MEGF8: variants seen among roughly 807,000 people sequenced by gnomAD.
MEGF8 encodes the protein multiple EGF like domains 8, also known as multiple epidermal growth factor-like domains protein 8.
A neutral mutation model predicts 302.9 loss-of-function variants in MEGF8; 156 were observed. The observed-to-expected ratio is 0.52, with a 90% CI of 0.45 to 0.59. MEGF8 has a LOEUF of 0.59. MEGF8 is among the 20% of genes least tolerant of loss of function. The pLI, the probability that MEGF8 is intolerant of heterozygous loss-of-function variation, is 0.00. For synonymous variants in MEGF8, 1,621 were observed against 1,660.5 expected, an observed-to-expected ratio of 0.98 and a Z score of 0.58; for missense variants, 3,345 against 3,964.5, an observed-to-expected ratio of 0.84 and a Z score of 4.20.
At position 42,344,308 on chromosome 19, in the gene MEGF8, A is replaced by G; in HGVS notation, c.1789-133A>G. The stretch of plus-strand genomic sequence containing the variant: ...GCATCCCCCGTCCTCTGGATCTCCC[A>G]CATTCCAAGTCAACTCCCCGTTCTT... On this transcript the variant is annotated intron_variant, in intron 10 of 41. Transcript: ENST00000251268. The surrounding 1 kb of genome is among the most constrained non-coding windows in gnomAD (Gnocchi z 4.5). 3 of 1,071,854 alleles carry G rather than the reference A, an allele frequency of 2.8e-6. No individual in the cohort carries two copies. The highest frequency in any genetic ancestry group is 3.6e-6 in the Non-Finnish European group (3 of 834,142). The allele number at this position is 1,071,854 out of a possible 1,614,324, so 66.4% of individuals were successfully genotyped here.
chr19:42,335,833 T>C, intron 5 of MEGF8, 98 bp from the exon 6 acceptor site: 1 of 1,184,020 alleles, frequency 8.4e-7, no homozygotes, highest in Non-Finnish European at 1.1e-6. Context: ...TTATCTCGCC[T>C]TCTCTCCATG....
rs948237023 is a variant in MEGF8, at chr19:42,357,963, C to T, written c.5012-181C>T. 3.3e-5 allele frequency among the ~76,000 whole-genome samples: 5 copies of T among 152,184 alleles called. No homozygotes were observed. The highest frequency in any genetic ancestry group is 7.4e-5 in the Non-Finnish European group (5 of 68,026). ...GCCAGTTGAGGACTCCCTTCTCTTTCCCAGAGTCTCTAATGATTGTCCATT... is the reference window on the plus strand; with the variant it reads ...GCCAGTTGAGGACTCCCTTCTCTTTTCCAGAGTCTCTAATGATTGTCCATT... On this transcript the variant is annotated intron_variant, in intron 28 of 41. Transcript: ENST00000251268. This position sits in a 1 kb window ranked among gnomAD's most constrained non-coding sequence, Gnocchi z 5.2.
intron 5 of MEGF8, 148 bp from the exon 6 acceptor site, chr19:42,335,783 C>T (rs2039119093): frequency 2.7e-6 from 2 of 729,576 alleles, no homozygotes; most frequent in Non-Finnish European, 4.2e-6. Flanking sequence ...CTCTTCTTTT[C>T]TCTCTCTGCC....
At position 42,376,094 on chromosome 19, in the gene MEGF8, G is replaced by T; in HGVS notation, c.7857G>T (p.Val2619=). 6.2e-7 allele frequency: 1 copy of T among 1,606,492 alleles called. No individual in the cohort carries two copies. The change falls in exon 42 of 42, where the codon GTG becomes GTT. Residue 2619 remains valine, a synonymous_variant. Transcript: ENST00000251268. This position sits in a 1 kb window ranked among gnomAD's most constrained non-coding sequence, Gnocchi z 8.2. ...SSRFYLLLLG[V]GDPSGPGANG... ...GCTTCTACCTGCTGCTGCTGGGCGTGGGAGACCCAAGTGGGCCCGGCGCCA... is the reference window on the plus strand; with the variant it reads ...GCTTCTACCTGCTGCTGCTGGGCGTTGGAGACCCAAGTGGGCCCGGCGCCA...
chr19:42,351,064 C>A lies in MEGF8; in HGVS notation c.2737-152C>A, dbSNP rs546385556. The A allele has an allele frequency of 1.4e-6, 1 of 691,796 alleles. No individual in the cohort carries two copies. Among genetic ancestry groups the A allele is most frequent in the African/African-American group, 1.8e-5 (1 of 55,072 alleles). 42.9% of individuals were successfully genotyped at this position (691,796 alleles called of 1,614,324 possible). ...GGGCCGACCCATGGGTGTCTGTGGT[C>A]GAAGGGAGGGGTCCAGAGACGCAGG... On this transcript the variant is annotated intron_variant, in intron 15 of 41. Transcript: ENST00000251268. This position sits in a 1 kb window ranked among gnomAD's most constrained non-coding sequence, Gnocchi z 5.6.
intron 32 of MEGF8, 63 bp downstream of exon 32, chr19:42,361,069 G>A (rs2039524839): frequency 6.8e-7 from 1 of 1,472,604 alleles, no homozygotes; most frequent in African/African-American, 1.4e-5. Flanking sequence ...TCCTGTGCTA[G>A]GCCACACCAG....
Position 42,352,783 on chromosome 19 carries a change from C to T in MEGF8, c.3351-145C>T. 1 of 674,896 alleles carries T rather than the reference C, an allele frequency of 1.5e-6. No individual in the cohort carries two copies. The highest frequency in any genetic ancestry group is 2.5e-6 in the Non-Finnish European group (1 of 395,036). The allele number at this position is 674,896 out of a possible 1,614,324, so 41.8% of individuals were successfully genotyped here. On this transcript the variant is annotated intron_variant, in intron 19 of 41. Coordinates refer to ENST00000251268, the MANE Select transcript of MEGF8 (RefSeq NM_001271938.2). The surrounding 1 kb of genome is among the most constrained non-coding windows in gnomAD (Gnocchi z 4.4). Reference sequence around the variant, plus strand: ...ACAGGCTTGGTGATGCATGGAGTTACCTTGGAGACAGGGTCACCCACATAG... The same window carrying T: ...ACAGGCTTGGTGATGCATGGAGTTATCTTGGAGACAGGGTCACCCACATAG...
chr19:42,345,319 TAAA>T (rs2039274209), intron 12 of MEGF8, among the ~76,000 whole-genome samples: 1 of 152,252 alleles, frequency 6.6e-6, no homozygotes, highest in Non-Finnish European at 1.5e-5. Context: ...AAAATACACA[TAAA>T]ATTTTTCATC....
chr19:42,377,051 C>T lies in MEGF8; in HGVS notation c.*276C>T, dbSNP rs1388000902. Reference sequence around the variant, plus strand: ...GGACTTAGGTTCTGGTGAAGGGAGACAATCAGTGCACATGCACACACCCCA... The same window carrying T: ...GGACTTAGGTTCTGGTGAAGGGAGATAATCAGTGCACATGCACACACCCCA... On this transcript the variant is annotated 3_prime_UTR_variant, in exon 42 of 42. Transcript: ENST00000251268. The T allele has an allele frequency of 9.6e-6, 4 of 416,114 alleles. No individual in the cohort carries two copies. The highest frequency in any genetic ancestry group is 3.6e-5 in the East Asian group (1 of 27,800). 25.8% of individuals were successfully genotyped at this position (416,114 alleles called of 1,614,324 possible). A position where few individuals can be genotyped will look rare whatever the true frequency, so the allele number is the denominator to read the frequency against.
rs1210304605 is a variant in MEGF8, at chr19:42,357,404, G to A, written c.4831G>A (p.Ala1611Thr). The A allele has an allele frequency of 3.1e-6, 5 of 1,612,106 alleles. No individual in the cohort carries two copies. Among genetic ancestry groups the A allele is most frequent in the East Asian group, 2.2e-5 (1 of 44,844 alleles). Residue 1611 changes from alanine (A) to threonine (T), a missense_variant and splice_region_variant, in exon 28 of 42, where the codon GCC becomes ACC. Transcript: ENST00000251268. The surrounding 1 kb of genome is among the most constrained non-coding windows in gnomAD (Gnocchi z 5.2). Reference protein sequence around the residue: ...LTTLQWRQEKAPQTVELPAVA... With the variant: ...LTTLQWRQEKTPQTVELPAVA... Reference sequence around the variant, plus strand: ...GTGACCTTGCCCCTCCATCCCTCAGGCCCCCCAGACCGTGGAGCTGCCAGC... The same window carrying A: ...GTGACCTTGCCCCTCCATCCCTCAGACCCCCCAGACCGTGGAGCTGCCAGC...
Position 42,350,280 on chromosome 19 carries a change from G to A in MEGF8, c.2632G>A (p.Gly878Arg), listed in dbSNP as rs754432292. 7.1e-5 allele frequency: 115 copies of A among 1,610,806 alleles called. No homozygotes were observed. Among genetic ancestry groups the A allele is most frequent in the Middle Eastern group, 5.0e-4 (3 of 6,060 alleles). Residue 878 changes from glycine to arginine, a missense_variant, in exon 15 of 42, where the codon GGA (glycine) becomes AGA (arginine). Gly to Arg is a moderately radical substitution (Grantham distance 125). Coordinates refer to ENST00000251268, the MANE Select transcript of MEGF8 (RefSeq NM_001271938.2). Reference protein sequence around the residue: ...TSATCHLRQGGAHCGDDGAGG... With the variant: ...TSATCHLRQGRAHCGDDGAGG... ...TGCCACCTGCCACCTGCGCCAGGGC[G>A]GAGCCCATTGCGGGGATGACGGGGC... is the stretch of plus-strand genomic sequence containing the variant.
At chr19:42,350,412 A>C in intron 15 of MEGF8, 28 bp downstream of exon 15, 9 of 1,473,086 alleles carry the variant, frequency 6.1e-6, no homozygotes, top group East Asian at 2.4e-5. Context: ...AGGGGAGGTC[A>C]CAAGGTGGAG....
Position 42,344,347 on chromosome 19 carries a change from C to G in MEGF8, c.1789-94C>G, listed in dbSNP as rs1250625229. Reference sequence around the variant, plus strand: ...CTCCCCGTTCTTCAGTTTTTTCGCCCTTTCCATCGCAGGACCCTGTATCCA... The same window carrying G: ...CTCCCCGTTCTTCAGTTTTTTCGCCGTTTCCATCGCAGGACCCTGTATCCA... On this transcript the variant is annotated intron_variant, in intron 10 of 41. Transcript: ENST00000251268. The surrounding 1 kb of genome is among the most constrained non-coding windows in gnomAD (Gnocchi z 4.5). 16 of 1,480,974 alleles carry G rather than the reference C, an allele frequency of 1.1e-5. No homozygotes were observed. Among genetic ancestry groups the G allele is most frequent in the Non-Finnish European group, 1.4e-5 (16 of 1,116,162 alleles). The allele number at this position is 1,480,974 out of a possible 1,614,324, so 91.7% of individuals were successfully genotyped here.
At chr19:42,372,074 A>C (rs568376978) in intron 41 of MEGF8, among the ~76,000 whole-genome samples, 1,394 of 79,254 alleles carry the variant, frequency 0.018, 26 homozygotes, top group African/African-American at 0.048. Context: ...AACAACAACA[A>C]ACACACACAC....
Position 42,376,832 on chromosome 19 carries a change from T to C in MEGF8, c.*57T>C, listed in dbSNP as rs186608346. On this transcript the variant is annotated 3_prime_UTR_variant, in exon 42 of 42. Transcript: ENST00000251268. The surrounding 1 kb of genome is among the most constrained non-coding windows in gnomAD (Gnocchi z 8.2). ...GTCACCTGATAGGGCCGCCCTGGAC[T>C]TGGGGTCCCTCCACCTGGGGGCCCC... is the stretch of plus-strand genomic sequence containing the variant. The C allele has an allele frequency of 5.2e-5, 73 of 1,408,862 alleles. 1 individual carries two copies. In the Admixed American group the frequency reaches 8.6e-4, roughly 17 times the overall value. 87.3% of individuals were successfully genotyped at this position (1,408,862 alleles called of 1,614,324 possible).
In MEGF8 at chr19:42,349,302, GAA is replaced by G. The variant is rs1268884391; in HGVS notation, c.2299-180_2299-179del. Among the ~76,000 whole-genome samples the G allele has an allele frequency of 3.5e-4, 20 of 57,010 alleles. 1 individual carries two copies. The highest frequency in any genetic ancestry group is 9.9e-4 in the African/African-American group (19 of 19,186). The allele number at this position is 57,010 out of a possible 152,430, so 37.4% of individuals were successfully genotyped here. ...GTGATGGAATGAGACCCTGTCTCAAGAAAAAAAAAAAAAAAAAAGCCCCTGAG... is the reference window on the plus strand; with the variant it reads ...GTGATGGAATGAGACCCTGTCTCAAGAAAAAAAAAAAAAAAAGCCCCTGAG... On this transcript the variant is annotated intron_variant, in intron 13 of 41. Transcript: ENST00000251268.
rs931475866 is a variant in MEGF8, at chr19:42,351,848, C to T, written c.3101+87C>T. ...TTCTAATGGCCTCTTTGCTTCTCTG[C>T]CCTCTTGCCCATCCCATGGCCACCT... is the stretch of plus-strand genomic sequence containing the variant. On this transcript the variant is annotated intron_variant, in intron 18 of 41. Transcript: ENST00000251268. This position sits in a 1 kb window ranked among gnomAD's most constrained non-coding sequence, Gnocchi z 5.6. The T allele has an allele frequency of 8.8e-7, 1 of 1,135,530 alleles. No homozygotes were observed. Among genetic ancestry groups the T allele is most frequent in the Admixed American group, 2.1e-5 (1 of 48,126 alleles). 70.3% of individuals were successfully genotyped at this position (1,135,530 alleles called of 1,614,324 possible).
chr19:42,344,566 G>C lies in MEGF8; in HGVS notation c.1914G>C (p.Glu638Asp). 6.3e-7 allele frequency: 1 copy of C among 1,597,672 alleles called. No individual in the cohort carries two copies. Among genetic ancestry groups the C allele is most frequent in the Non-Finnish European group, 8.5e-7 (1 of 1,175,920 alleles). ...CCCTGGGCTGGTGCGTGCACAATGA[G>C]AGCTGCCTCCCTAGGCCTGGTGAGT... is the stretch of plus-strand genomic sequence containing the variant. ...PGTLGWCVHN[E>D]SCLPRPEQAR... Residue 638 changes from glutamate to aspartate, a missense_variant, in exon 11 of 42, where the codon GAG (glutamate) becomes GAC (aspartate). By Grantham distance (45) the Glu-to-Asp change is conservative. Transcript: ENST00000251268. The surrounding 1 kb of genome is among the most constrained non-coding windows in gnomAD (Gnocchi z 4.5).
chr19:42,333,901 G>C, intron 2 of MEGF8, 106 bp from the exon 3 acceptor site: 2 of 1,517,078 alleles, frequency 1.3e-6, no homozygotes, highest in Middle Eastern at 3.4e-4. Flanking sequence ...AAAGGAAGGA[G>C]ATGAGGCTCT....
Sources: gnomAD v4.1 joint callset for allele counts (sites outside exome capture counted in the v4.1 genomes callset) on GRCh38, gnomAD v4.1.1 for gene constraint, Gnocchi (gnomAD v3.1) non-coding constraint, MANE v1.5 for transcripts, NCBI Gene and HGNC (gene_info 2026-07-23, HGNC 2026-07-21) for gene names.